The following NAV3 variants were observed in gnomAD, a reference collection of about 807,000 sequenced individuals.
NAV3 encodes neuron navigator 3, also known as pore membrane and/or filament interacting like protein 1.
Under a neutral mutation model 244.7 loss-of-function variants are expected in NAV3, and 87 were observed. The ratio of observed to expected loss-of-function variants is 0.36; its 90% CI spans 0.30 to 0.42. The LOEUF is 0.42. Ranked by LOEUF, NAV3 falls within the 20% of genes least tolerant of loss-of-function variation. The probability of loss-of-function intolerance (pLI) is 1.00; values close to 1 mark genes in which losing one functional copy is unlikely to be tolerated. For missense variants in NAV3, 2,663 were observed against 2,893.3 expected (o/e 0.92, Z 1.83); for synonymous variants, 1,126 against 1,042.2 (o/e 1.08, Z -1.55).
intron 2 of NAV3, among the ~76,000 whole-genome samples, chr12:77,781,583 C>T (rs1870662882): frequency 6.6e-6 from 1 of 152,146 alleles, no homozygotes. Context: ...ACAAATGTCT[C>T]ATGTCTCCCT....
At chr12:78,104,745 G>T (rs957860224) in intron 12 of NAV3, among the ~76,000 whole-genome samples, 1 of 152,146 alleles carries the variant, frequency 6.6e-6, no homozygotes, top group Non-Finnish European at 1.5e-5. Context: ...ATCAAGCCAT[G>T]CAACTGCTAC....
intron 3 of NAV3, among the ~76,000 whole-genome samples, chr12:77,947,998 C>T (rs1161822230): frequency 1.3e-5 from 2 of 151,968 alleles, no homozygotes; most frequent in Non-Finnish European, 2.9e-5. Context: ...CTCAAGGCCT[C>T]TGCTCATTTC....
intron 1 of NAV3, among the ~76,000 whole-genome samples, chr12:77,924,278 T>C (rs769175870): frequency 7.2e-5 from 11 of 152,192 alleles, no homozygotes; most frequent in Non-Finnish European, 1.5e-4. Context: ...GAGTATATTT[T>C]TGTGGGCTAG....
intron 2 of NAV3, among the ~76,000 whole-genome samples, chr12:77,688,903 A>G (rs1459913147): frequency 6.6e-6 from 1 of 151,946 alleles, no homozygotes; most frequent in Non-Finnish European, 1.5e-5. Flanking sequence ...AAGAAGTGAT[A>G]AGCCAACTGA....
intron 18 of NAV3, 85 bp from the exon 19 acceptor site, chr12:78,137,092 G>A (rs1275561601): frequency 8.0e-7 from 1 of 1,248,124 alleles, no homozygotes; most frequent in Admixed American, 2.4e-5. Flanking sequence ...CATAAGTATT[G>A]GGATCATGTT....
At chr12:77,892,651 G>C (rs1884082757) in intron 1 of NAV3, among the ~76,000 whole-genome samples, 1 of 152,136 alleles carries the variant, frequency 6.6e-6, no homozygotes, top group Non-Finnish European at 1.5e-5. Flanking sequence ...TCCTGACCTT[G>C]TGATCCACCC....
At chr12:77,759,680 C>T (rs375150216) in intron 2 of NAV3, among the ~76,000 whole-genome samples, 1 of 152,136 alleles carries the variant, frequency 6.6e-6, no homozygotes, top group Non-Finnish European at 1.5e-5. Flanking sequence ...TATTGACCAC[C>T]ATGGTGTGGG....
At position 77,618,810 on chromosome 12, in the gene NAV3, T is replaced by A. The variant is rs575840672; in HGVS notation, c.72+46544T>A. ...GGAAGGAAGACAAGGCTGTACTTTG[T>A]TAGCACTCATCGTCTACAAATTAAG... is the stretch of plus-strand genomic sequence containing the variant. On this transcript the variant is annotated intron_variant, in intron 2 of 8. Coordinates refer to the NAV3 transcript ENST00000550042. Among the ~76,000 whole-genome samples, 46 of 152,314 alleles carry A rather than the reference T, an allele frequency of 3.0e-4. No individual in the cohort carries two copies. In the South Asian group the frequency reaches 8.3e-3, roughly 27 times the overall value.
intron 9 of NAV3, among the ~76,000 whole-genome samples, chr12:78,048,668 G>A (rs1413606863): frequency 1.3e-5 from 2 of 152,206 alleles, no homozygotes; most frequent in East Asian, 1.9e-4. Context: ...CTGCTGGGAG[G>A]TGTCTCCTCG....
intron 1 of NAV3, among the ~76,000 whole-genome samples, chr12:77,858,298 A>G (rs1444273587): frequency 1.3e-5 from 2 of 152,038 alleles, no homozygotes; most frequent in Admixed American, 6.6e-5. Context: ...AATGGGAAAC[A>G]GGGGGTTTAA....
At chr12:77,898,468 G>A (rs562216633) in intron 1 of NAV3, among the ~76,000 whole-genome samples, 4 of 152,170 alleles carry the variant, frequency 2.6e-5, no homozygotes, top group African/African-American at 9.6e-5. Context: ...TGAAGATGTA[G>A]GCCACTTTAA....
At chr12:77,771,892 C>A (rs1423615294) in intron 2 of NAV3, among the ~76,000 whole-genome samples, 3 of 148,526 alleles carry the variant, frequency 2.0e-5, no homozygotes, top group African/African-American at 7.4e-5. Flanking sequence ...TGCACATGTA[C>A]CCTAAAACTT....
At chr12:77,637,413 A>T (rs1872206246) in intron 2 of NAV3, among the ~76,000 whole-genome samples, 1 of 152,142 alleles carries the variant, frequency 6.6e-6, no homozygotes, top group Non-Finnish European at 1.5e-5. Flanking sequence ...CTTCAGGGCT[A>T]AACTGAACAT....
chr12:77,664,807 CAA>C (rs1029509496), intron 2 of NAV3, among the ~76,000 whole-genome samples: 3 of 152,034 alleles, frequency 2.0e-5, no homozygotes, highest in African/African-American at 7.2e-5. Context: ...GATTAAAAAA[CAA>C]AAAAGAGAAA....
intron 2 of NAV3, among the ~76,000 whole-genome samples, chr12:77,680,662 T>C (rs1477908931): frequency 6.6e-6 from 1 of 152,266 alleles, no homozygotes; most frequent in East Asian, 1.9e-4. Flanking sequence ...AGAAGAATGC[T>C]GTCTTCTTTG....
chr12:77,792,584 G>T (rs887583968), intron 2 of NAV3, among the ~76,000 whole-genome samples: 2 of 152,184 alleles, frequency 1.3e-5, no homozygotes, highest in African/African-American at 4.8e-5. Context: ...ACCACGAGAA[G>T]TCTGTTTCTG....
intron 12 of NAV3, among the ~76,000 whole-genome samples, chr12:78,062,226 T>C (rs145515470): frequency 3.3e-5 from 5 of 152,248 alleles, no homozygotes; most frequent in African/African-American, 1.2e-4. Context: ...TCAATAAATA[T>C]ATCAGATAAA....
intron 2 of NAV3, among the ~76,000 whole-genome samples, chr12:77,709,858 G>T (rs140514661): frequency 2.0e-5 from 3 of 152,256 alleles, no homozygotes; most frequent in South Asian, 2.1e-4. Context: ...TCTTCCATAT[G>T]TAGTTTCAAA....
intron 2 of NAV3, among the ~76,000 whole-genome samples, chr12:77,795,857 C>T (rs1466916023): frequency 6.6e-6 from 1 of 152,158 alleles, no homozygotes; most frequent in Non-Finnish European, 1.5e-5. Context: ...CATCTGTTTA[C>T]AGCATGGTTT....
Sources: allele counts gnomAD v4.1 joint callset (sites outside exome capture counted in the v4.1 genomes callset), GRCh38; gene constraint gnomAD v4.1.1; transcripts MANE v1.5; gene names NCBI Gene and HGNC (gene_info 2026-07-23, HGNC 2026-07-21).